Variants in FHOD3 observed in about 807,000 individuals in gnomAD.
The protein encoded by FHOD3 is FH1/FH2 domain-containing protein 3.
In FHOD3, 90 loss-of-function variants were observed where a neutral mutation model predicts 173.0. That is an observed-to-expected ratio of 0.52 (90% CI 0.44 to 0.62). FHOD3 has a LOEUF of 0.62. Ranked by LOEUF, FHOD3 falls within the 20% of genes least tolerant of loss-of-function variation. FHOD3 has a pLI of 0.00. For missense variants in FHOD3, 1,945 were observed against 2,034.7 expected, an observed-to-expected ratio of 0.96 and a Z score of 0.85; for synonymous variants, 828 against 823.0, an observed-to-expected ratio of 1.01 and a Z score of -0.10.
At chr18:36,608,349 G>C (rs764640217) in intron 8 of FHOD3, among the ~76,000 whole-genome samples, 2 of 152,148 alleles carry the variant, frequency 1.3e-5, no homozygotes, top group Non-Finnish European at 2.9e-5. Flanking sequence ...AAGATAAGAT[G>C]GTTGAACTCA....
chr18:36,351,107 G>C (rs532463444), intron 1 of FHOD3, among the ~76,000 whole-genome samples: 2 of 152,142 alleles, frequency 1.3e-5, no homozygotes, highest in Non-Finnish European at 2.9e-5. Flanking sequence ...CTCGTTTGCT[G>C]TCTTCACAGC....
chr18:36,348,520 T>C (rs2045970925), intron 1 of FHOD3, among the ~76,000 whole-genome samples: 1 of 152,108 alleles, frequency 6.6e-6, no homozygotes, highest in African/African-American at 2.4e-5. Flanking sequence ...TTCTTCCAAG[T>C]TTTATCTTTC....
At chr18:36,660,364 A>G (rs1156990873) in intron 14 of FHOD3, among the ~76,000 whole-genome samples, 1 of 152,012 alleles carries the variant, frequency 6.6e-6, no homozygotes, top group Non-Finnish European at 1.5e-5. Context: ...GGAGCTGTTC[A>G]AGTTTGGAAA....
chr18:36,586,081 A>G (rs2059017509), intron 6 of FHOD3, among the ~76,000 whole-genome samples: 1 of 152,184 alleles, frequency 6.6e-6, no homozygotes. Flanking sequence ...CCTGGGTTTT[A>G]GCTGTTCATT....
intron 5 of FHOD3, among the ~76,000 whole-genome samples, chr18:36,532,524 C>T (rs1186469288): frequency 6.6e-6 from 1 of 152,172 alleles, no homozygotes; most frequent in Non-Finnish European, 1.5e-5. Flanking sequence ...GCAGAGGGAG[C>T]TTCTGGTTTC....
Position 36,718,258 on chromosome 18 carries a change from C to T in FHOD3, c.2960C>T (p.Pro987Leu). The change falls in exon 19 of 29, where the codon CCA becomes CTA. Residue 987 changes from proline to leucine, a missense_variant. Coordinates refer to ENST00000590592, the MANE Select transcript of FHOD3 (RefSeq NM_001281740.3). Reference sequence around the variant, plus strand: ...ATCTGGGACCAGCTCATGGCCAATCCAAGAGAGCTCAGAATCCAAGACATG... The same window carrying T: ...ATCTGGGACCAGCTCATGGCCAATCTAAGAGAGCTCAGAATCCAAGACATG... The part of the protein sequence containing the change: ...DYIWDQLMAN[P>L]RELRIQDMDF... The T allele has an allele frequency of 1.2e-6, 2 of 1,614,156 alleles. No individual in the cohort carries two copies. Among genetic ancestry groups the T allele is most frequent in the South Asian group, 2.2e-5 (2 of 91,078 alleles).
intron 1 of FHOD3, among the ~76,000 whole-genome samples, chr18:36,317,457 G>A (rs2044183879): frequency 6.6e-6 from 1 of 152,156 alleles, no homozygotes; most frequent in Admixed American, 6.5e-5. Context: ...GTTTTGATTT[G>A]CATTTTTCTA....
chr18:36,301,583 G>T (rs1002766666), intron 1 of FHOD3, among the ~76,000 whole-genome samples: 1 of 152,132 alleles, frequency 6.6e-6, no homozygotes, highest in African/African-American at 2.4e-5. Flanking sequence ...AAGACATTTA[G>T]TTTTTGTTTT....
intron 3 of FHOD3, among the ~76,000 whole-genome samples, chr18:36,448,932 GC>G (rs978378542): frequency 4.6e-5 from 7 of 150,814 alleles, no homozygotes; most frequent in Non-Finnish European, 8.8e-5. Flanking sequence ...TCAACCCAGA[GC>G]CCCCCAGTTA....
chr18:36,298,087 C>T, intron 1 of FHOD3, 87 bp downstream of exon 1: 1 of 1,260,706 alleles, frequency 7.9e-7, no homozygotes. Flanking sequence ...CTTCGTGGGC[C>T]CCCTGGGCTG....
chr18:36,777,185 T>A lies in FHOD3; in HGVS notation c.4787-2263T>A, dbSNP rs192767280. Among the ~76,000 whole-genome samples, 43 of 148,608 alleles carry A rather than the reference T, an allele frequency of 2.9e-4. No homozygotes were observed. The East Asian group carries it at 5.1e-3, about 18-fold the overall frequency. On this transcript the variant is annotated intron_variant, in intron 28 of 28. Transcript: ENST00000590592. ...CCCAGCTAGTGCAGCATGAACTACTTCTTCTTCTTTTTCTTTTTTTTTTTT... is the reference window on the plus strand; with the variant it reads ...CCCAGCTAGTGCAGCATGAACTACTACTTCTTCTTTTTCTTTTTTTTTTTT...
chr18:36,468,510 G>A (rs914576804), intron 3 of FHOD3, among the ~76,000 whole-genome samples: 27 of 152,288 alleles, frequency 1.8e-4, no homozygotes, highest in South Asian at 1.0e-3. Context: ...GGAGCTGCCC[G>A]GAGCTCCTTC....
chr18:36,595,947 G>A (rs1030947271), intron 7 of FHOD3, among the ~76,000 whole-genome samples: 1 of 152,048 alleles, frequency 6.6e-6, no homozygotes, highest in Non-Finnish European at 1.5e-5. Flanking sequence ...AAAAACTTGG[G>A]AAAAGTTTAA....
intron 3 of FHOD3, among the ~76,000 whole-genome samples, chr18:36,475,614 G>T (rs913374125): frequency 6.6e-6 from 1 of 151,976 alleles, no homozygotes; most frequent in Non-Finnish European, 1.5e-5. Flanking sequence ...AAATAATTAG[G>T]TACAGAAACT....
chr18:36,728,724 C>T (rs529102372), intron 19 of FHOD3, among the ~76,000 whole-genome samples: 6 of 152,156 alleles, frequency 3.9e-5, no homozygotes, highest in African/African-American at 9.7e-5. Flanking sequence ...TGTTTCTCCT[C>T]GATGCCTCAC....
intron 19 of FHOD3, among the ~76,000 whole-genome samples, chr18:36,727,578 A>G (rs1256766433): frequency 6.6e-6 from 1 of 152,226 alleles, no homozygotes; most frequent in Non-Finnish European, 1.5e-5. Context: ...GCAAATGTGC[A>G]GAATCCTCTG....
At chr18:36,590,465 G>A (rs1355948620) in intron 6 of FHOD3, among the ~76,000 whole-genome samples, 1 of 152,192 alleles carries the variant, frequency 6.6e-6, no homozygotes, top group Non-Finnish European at 1.5e-5. Flanking sequence ...GGAGGATCCT[G>A]CAGGACATAT....
chr18:36,401,825 G>A (rs7239616), intron 3 of FHOD3, among the ~76,000 whole-genome samples: 20,130 of 152,152 alleles, frequency 0.13, 1,721 homozygotes, highest in South Asian at 0.32. Context: ...GTCATTACTG[G>A]CTAAGCAGAC....
Position 36,730,191 on chromosome 18 carries a change from T to A in FHOD3, c.3418-455T>A, listed in dbSNP as rs139111208. On this transcript the variant is annotated intron_variant, in intron 19 of 28. Coordinates refer to ENST00000590592, the MANE Select transcript of FHOD3 (RefSeq NM_001281740.3). ...AGATCTGGAGGGGCTGACAGGCCAA[T>A]GGTGCTGTATTCTCCTTATTGATCC... Among the ~76,000 whole-genome samples, 108 of 152,260 alleles carry A rather than the reference T, an allele frequency of 7.1e-4. 2 individuals carry two copies. The East Asian group carries it at 0.02, about 28-fold the overall frequency.
Sources: allele counts gnomAD v4.1 joint callset (sites outside exome capture counted in the v4.1 genomes callset), GRCh38; gene constraint gnomAD v4.1.1; transcripts MANE v1.5; gene names NCBI Gene and HGNC (gene_info 2026-07-23, HGNC 2026-07-21).